Variants in ERFL observed in about 807,000 individuals in gnomAD.
The protein encoded by ERFL is ETS domain-containing transcription factor ERF-like.
ERFL carries 8 observed loss-of-function variants against 27.9 expected under a neutral mutation model. The ratio of observed to expected loss-of-function variants is 0.29; its 90% CI spans 0.17 to 0.52. ERFL has a LOEUF of 0.52. ERFL is among the 20% of genes least tolerant of loss of function. The pLI is 0.97. For synonymous variants in ERFL, 174 were observed against 202.8 expected (o/e 0.86, Z 1.21); for missense variants, 294 against 444.4 (o/e 0.66, Z 3.04).
chr19:41,920,073 ACT>A (rs1452725343), intron 1 of ERFL, among the ~76,000 whole-genome samples: 9 of 128,654 alleles, frequency 7.0e-5, no homozygotes, highest in African/African-American at 2.7e-4. Flanking sequence ...GATGTGACAC[ACT>A]CACAGACATG....
Position 41,909,428 on chromosome 19 carries a change from T to A in ERFL, c.346A>T (p.Arg116Trp). ...CTGAAGTTGAACTTGTAGGTGAACC[T>A]CTTCCCTTTGGTCTTGTGGAGAATC... ...KRILHKTKGK[R>W]FTYKFNFSKV... Residue 116 changes from arginine (R) to tryptophan (W), a missense_variant, in exon 4 of 6, where the codon AGG becomes TGG. Arg to Trp is a moderately radical substitution (Grantham distance 101, BLOSUM62 -3). Transcript: ENST00000597630. The surrounding 1 kb of genome is among the most constrained non-coding windows in gnomAD (Gnocchi z 5.2). The A allele has an allele frequency of 8.1e-7, 1 of 1,237,600 alleles. No homozygotes were observed. Among genetic ancestry groups the A allele is most frequent in the Non-Finnish European group, 1.0e-6 (1 of 990,414 alleles). The allele number at this position is 1,237,600 out of a possible 1,614,324, so 76.7% of individuals were successfully genotyped here.
In ERFL at chr19:41,917,770, G is replaced by A. The variant is rs1423091758; in HGVS notation, c.-13-4838C>T. Among the ~76,000 whole-genome samples, 1 of 151,564 alleles carries A rather than the reference G, an allele frequency of 6.6e-6. No homozygotes were observed. Among genetic ancestry groups the A allele is most frequent in the African/African-American group, 2.4e-5 (1 of 41,150 alleles). ...AGGACACATCTGTGCACACAGTAGA[G>A]ACCCACAGTGACACCCACTAGTAGG... On this transcript the variant is annotated intron_variant, in intron 1 of 5. Transcript: ENST00000597630. This position sits in a 1 kb window ranked among gnomAD's most constrained non-coding sequence, Gnocchi z 4.8.
rs1555851015 is a variant in ERFL at position 41,909,021 on chromosome 19, C to G, written c.616+39G>C. Reference sequence around the variant, plus strand: ...CTTCCCTCAAGCCTGCAGCTTCTCCCACTGTGCCCCCAGCACCCCAGAACC... The same window carrying G: ...CTTCCCTCAAGCCTGCAGCTTCTCCGACTGTGCCCCCAGCACCCCAGAACC... On this transcript the variant is annotated intron_variant, in intron 5 of 5. Coordinates refer to ENST00000597630, the MANE Select transcript of ERFL (RefSeq NM_001365103.2). The surrounding 1 kb of genome is among the most constrained non-coding windows in gnomAD (Gnocchi z 5.2). 1.7e-6 allele frequency: 2 copies of G among 1,155,888 alleles called. No homozygotes were observed. The highest frequency in any genetic ancestry group is 2.2e-6 in the Non-Finnish European group (2 of 919,230). The allele number at this position is 1,155,888 out of a possible 1,614,324, so 71.6% of individuals were successfully genotyped here.
At position 41,921,876 on chromosome 19, in the gene ERFL, A is replaced by G. The variant is rs1555852520; in HGVS notation, c.-14+6164T>C. 6.8e-6 allele frequency among the ~76,000 whole-genome samples: 1 copy of G among 146,550 alleles called. No individual in the cohort carries two copies. The highest frequency in any genetic ancestry group is 2.5e-5 in the African/African-American group (1 of 39,312). On this transcript the variant is annotated intron_variant, in intron 1 of 5. Coordinates refer to ENST00000597630, the MANE Select transcript of ERFL (RefSeq NM_001365103.2). The surrounding 1 kb of genome is among the most constrained non-coding windows in gnomAD (Gnocchi z 4.4). Reference sequence around the variant, plus strand: ...CCATCCCAGCTTCAAAGCCCACCCTACCCCTCCTCCTCCTCATCTCCACCA... The same window carrying G: ...CCATCCCAGCTTCAAAGCCCACCCTGCCCCTCCTCCTCCTCATCTCCACCA...
Position 41,917,460 on chromosome 19 carries a change from T to G in ERFL, c.-13-4528A>C, listed in dbSNP as rs2074808607. 6.7e-6 allele frequency among the ~76,000 whole-genome samples: 1 copy of G among 149,410 alleles called. No homozygotes were observed. The highest frequency in any genetic ancestry group is 2.1e-4 in the South Asian group (1 of 4,730). ...CCTCGCACCCCCACCACCAGCCCCT[T>G]CATCCCTCACCCAGGCCCCCCCATC... On this transcript the variant is annotated intron_variant, in intron 1 of 5. Coordinates refer to ENST00000597630, the MANE Select transcript of ERFL (RefSeq NM_001365103.2). The surrounding 1 kb of genome is among the most constrained non-coding windows in gnomAD (Gnocchi z 4.8).
chr19:41,926,756 C>T (rs1010202764), intron 1 of ERFL, among the ~76,000 whole-genome samples: 1 of 152,246 alleles, frequency 6.6e-6, no homozygotes, highest in African/African-American at 2.4e-5. Flanking sequence ...GTGATAGATC[C>T]GCGCGCCGCT....
At chr19:41,926,279 G>C (rs1437290239) in intron 1 of ERFL, among the ~76,000 whole-genome samples, 1 of 152,116 alleles carries the variant, frequency 6.6e-6, no homozygotes, top group African/African-American at 2.4e-5. Context: ...GTTACCTGGA[G>C]GGGCAGGTGA....
intron 1 of ERFL, among the ~76,000 whole-genome samples, chr19:41,915,950 G>A (rs986558068): frequency 1.1e-4 from 17 of 148,516 alleles, no homozygotes; most frequent in South Asian, 8.7e-4. Flanking sequence ...CCCCCCCGCC[G>A]GCCGGCGTGG....
At position 41,916,020 on chromosome 19, in the gene ERFL, C is replaced by G. The variant is rs1412474853; in HGVS notation, c.-13-3088G>C. Among the ~76,000 whole-genome samples, 3 of 152,018 alleles carry G rather than the reference C, an allele frequency of 2.0e-5. No individual in the cohort carries two copies. Among genetic ancestry groups the G allele is most frequent in the East Asian group, 3.9e-4 (2 of 5,192 alleles). ...AATTTTATTTTGCTTCCTCCACCCC[C>G]CCTTCGCCCCCCATCTCTACCGCCC... On this transcript the variant is annotated intron_variant, in intron 1 of 5. Transcript: ENST00000597630. This position sits in a 1 kb window ranked among gnomAD's most constrained non-coding sequence, Gnocchi z 5.4.
rs1234997514 is a variant in ERFL, at chr19:41,908,379, C to G, written c.914G>C (p.Gly305Ala). ...CCCACCAAGGGCAGCCTCTGGACCC[C>G]CAGCCCCTGGCAGCGCCAGGCGAGG... is the stretch of plus-strand genomic sequence containing the variant. ...AAPRLALPGA[G>A]GPEAALGGKE... Residue 305 changes from glycine to alanine, a missense_variant, in exon 6 of 6, where the codon GGG becomes GCG. Gly to Ala is a moderately conservative substitution (Grantham distance 60). Around this residue, in one of 3 missense-constraint regions of ERFL, gnomAD observed 246 missense variants for 371.4 expected, o/e 0.66. Coordinates refer to ENST00000597630, the MANE Select transcript of ERFL (RefSeq NM_001365103.2). The surrounding 1 kb of genome is among the most constrained non-coding windows in gnomAD (Gnocchi z 6.7). 4 of 1,231,248 alleles carry G rather than the reference C, an allele frequency of 3.2e-6. No homozygotes were observed. Among genetic ancestry groups the G allele is most frequent in the Admixed American group, 8.4e-5 (2 of 23,688 alleles). 76.3% of individuals were successfully genotyped at this position (1,231,248 alleles called of 1,614,324 possible).
intron 1 of ERFL, among the ~76,000 whole-genome samples, chr19:41,926,474 A>G (rs1414795564): frequency 6.6e-6 from 1 of 152,128 alleles, no homozygotes; most frequent in Non-Finnish European, 1.5e-5. Context: ...CTGAGGCCAC[A>G]GGTGGGTGCA....
chr19:41,924,313 A>G (rs2074859285), intron 1 of ERFL, among the ~76,000 whole-genome samples: 2 of 152,036 alleles, frequency 1.3e-5, no homozygotes, highest in African/African-American at 4.8e-5. Flanking sequence ...ACTTGACTCA[A>G]ATCTCTAACA....
chr19:41,919,950 C>A (rs781960190), intron 1 of ERFL, among the ~76,000 whole-genome samples: 1 of 142,698 alleles, frequency 7.0e-6, no homozygotes, highest in Non-Finnish European at 1.5e-5. Context: ...TACGCCCAGA[C>A]GTGACGAACT....
rs1204062704 is a variant in ERFL at position 41,917,916 on chromosome 19, GTCACACACTGTGTGTGTGTGTGC to G, written c.-13-5007_-13-4985del. 2.0e-5 allele frequency among the ~76,000 whole-genome samples: 3 copies of G among 151,856 alleles called. No individual in the cohort carries two copies. The highest frequency in any genetic ancestry group is 6.6e-5 in the Admixed American group (1 of 15,262). ...GGGTGCACGAAGCCAGCTCCCCGCG[GTCACACACTGTGTGTGTGTGTGC>G]TCACACACCTGTCCGTCCAGACTAT... On this transcript the variant is annotated intron_variant, in intron 1 of 5. Coordinates refer to ENST00000597630, the MANE Select transcript of ERFL (RefSeq NM_001365103.2). The surrounding 1 kb of genome is among the most constrained non-coding windows in gnomAD (Gnocchi z 4.8).
chr19:41,913,649 C>T (rs2074767940), intron 1 of ERFL, among the ~76,000 whole-genome samples: 1 of 151,704 alleles, frequency 6.6e-6, no homozygotes, highest in South Asian at 2.1e-4. Flanking sequence ...TGCCTCCCTC[C>T]TCAGACACCC....
chr19:41,914,977 C>T (rs1424116859), intron 1 of ERFL, among the ~76,000 whole-genome samples: 1 of 96,798 alleles, frequency 1.0e-5, no homozygotes. Context: ...TCCCTCCCTC[C>T]CCCTCCAGCA....
rs2074742685 is a variant in ERFL at position 41,909,885 on chromosome 19, C to T, written c.280G>A (p.Asp94Asn). The T allele has an allele frequency of 1.2e-6, 2 of 1,612,874 alleles. No homozygotes were observed. The highest frequency in any genetic ancestry group is 8.5e-7 in the Non-Finnish European group (1 of 1,179,490). ...IRKCKPHMNY[D>N]KLSRALRYYY... Reference sequence around the variant, plus strand: ...CACCGCAGGGCCCGGCTCAGCTTGTCGTAATTCATGTGGGGCTTGCATTTG... The same window carrying T: ...CACCGCAGGGCCCGGCTCAGCTTGTTGTAATTCATGTGGGGCTTGCATTTG... Residue 94 changes from aspartate to asparagine, a missense_variant, in exon 3 of 6, where the codon GAC becomes AAC. Physicochemically the swap from Asp to Asn is conservative, Grantham distance 23. This residue lies in a region of ERFL where 246 missense variants were observed against 371.4 expected (regional missense o/e 0.66). Coordinates refer to ENST00000597630, the MANE Select transcript of ERFL (RefSeq NM_001365103.2). The surrounding 1 kb of genome is among the most constrained non-coding windows in gnomAD (Gnocchi z 5.2).
chr19:41,917,010 G>A lies in ERFL; in HGVS notation c.-13-4078C>T, dbSNP rs2074805530. Among the ~76,000 whole-genome samples, 1 of 132,592 alleles carries A rather than the reference G, an allele frequency of 7.5e-6. No individual in the cohort carries two copies. The highest frequency in any genetic ancestry group is 6.8e-5 in the Admixed American group (1 of 14,710). The allele number at this position is 132,592 out of a possible 152,430, so 87.0% of individuals were successfully genotyped here. A position where few individuals can be genotyped will look rare whatever the true frequency, so the allele number is the denominator to read the frequency against. On this transcript the variant is annotated intron_variant, in intron 1 of 5. Coordinates refer to ENST00000597630, the MANE Select transcript of ERFL (RefSeq NM_001365103.2). This position sits in a 1 kb window ranked among gnomAD's most constrained non-coding sequence, Gnocchi z 4.8. Reference sequence around the variant, plus strand: ...ACTTCCCAAGCATGTCTCTGCATGGGTGTGTGTGTGTGTGTGCACATATGT... The same window carrying A: ...ACTTCCCAAGCATGTCTCTGCATGGATGTGTGTGTGTGTGTGCACATATGT...
chr19:41,908,138 G>T lies in ERFL; in HGVS notation c.*90C>A. The T allele has an allele frequency of 9.4e-7, 1 of 1,060,868 alleles. No individual in the cohort carries two copies. The highest frequency in any genetic ancestry group is 1.2e-6 in the Non-Finnish European group (1 of 831,638). 65.7% of individuals were successfully genotyped at this position (1,060,868 alleles called of 1,614,324 possible). On this transcript the variant is annotated 3_prime_UTR_variant, in exon 6 of 6. Coordinates refer to ENST00000597630, the MANE Select transcript of ERFL (RefSeq NM_001365103.2). This position sits in a 1 kb window ranked among gnomAD's most constrained non-coding sequence, Gnocchi z 6.7. ...GTGCCCAGACCTGGGAGGTGCTGAG[G>T]GCTGGTCCTGGGCCTTGGGCCAGGC...
Sources: gnomAD v4.1 joint callset for allele counts (sites outside exome capture counted in the v4.1 genomes callset) on GRCh38, gnomAD v4.1.1 for gene constraint, gnomAD v4.1.1 regional missense constraint, Gnocchi (gnomAD v3.1) non-coding constraint, MANE v1.5 for transcripts, NCBI Gene and HGNC (gene_info 2026-07-23, HGNC 2026-07-21) for gene names.